The following PLCB1 variants were observed in gnomAD, a reference collection of about 807,000 sequenced individuals.
PLCB1 encodes the protein phospholipase C beta 1.
Under a neutral mutation model 161.8 loss-of-function variants are expected in PLCB1, and 46 were observed. The ratio of observed to expected loss-of-function variants is 0.28; its 90% CI spans 0.22 to 0.36. The LOEUF is 0.36. Ranked by LOEUF, PLCB1 falls within the 10% of genes least tolerant of loss-of-function variation. The probability of loss-of-function intolerance (pLI) is 1.00; values close to 1 mark genes in which losing one functional copy is unlikely to be tolerated. For synonymous variants in PLCB1, 517 were observed against 503.7 expected (o/e 1.03, Z -0.35); for missense variants, 1,016 against 1,472.5 (o/e 0.69, Z 5.07).
chr20:8,786,486 G>A (rs1464106380), intron 27 of PLCB1, among the ~76,000 whole-genome samples: 1 of 152,136 alleles, frequency 6.6e-6, no homozygotes, highest in Non-Finnish European at 1.5e-5. Context: ...TTAAACGAAT[G>A]TGGATTCCGT....
At chr20:8,134,169 A>G (rs969153129) in intron 1 of PLCB1, among the ~76,000 whole-genome samples, 5 of 152,258 alleles carry the variant, frequency 3.3e-5, no homozygotes, top group Non-Finnish European at 1.5e-5. Context: ...TAAATGGAAT[A>G]GAATCTAAAC....
chr20:8,334,781 T>C (rs1985509814), intron 2 of PLCB1, among the ~76,000 whole-genome samples: 1 of 152,184 alleles, frequency 6.6e-6, no homozygotes, highest in Non-Finnish European at 1.5e-5. Context: ...TTCTATGTGG[T>C]CTTTTGTTCT....
chr20:8,638,965 T>TTTTTC lies in PLCB1; in HGVS notation c.385-7122_385-7118dup, dbSNP rs1555778861. On this transcript the variant is annotated intron_variant, in intron 4 of 31. Transcript: ENST00000338037. ...GATTTTTAATTTGTGTTTTGTTCAG[T>TTTTTC]TTTTCTTTTCTTTTCTTTTTTTCTC... 6.5e-5 allele frequency among the ~76,000 whole-genome samples: 9 copies of TTTTTC among 138,068 alleles called. No homozygotes were observed. In the South Asian group the frequency reaches 2.1e-3, roughly 32 times the overall value. 90.6% of individuals were successfully genotyped at this position (138,068 alleles called of 152,430 possible). A position where few individuals can be genotyped will look rare whatever the true frequency, so the allele number is the denominator to read the frequency against.
At chr20:8,443,742 T>C (rs1980673786) in intron 3 of PLCB1, among the ~76,000 whole-genome samples, 1 of 152,208 alleles carries the variant, frequency 6.6e-6, no homozygotes, top group African/African-American at 2.4e-5. Flanking sequence ...ATCACATTTC[T>C]GGCAATGGCT....
chr20:8,443,546 A>C (rs894450718), intron 3 of PLCB1, among the ~76,000 whole-genome samples: 3 of 152,172 alleles, frequency 2.0e-5, no homozygotes, highest in East Asian at 1.9e-4. Flanking sequence ...TCCATCTGCT[A>C]TCTTTTGGAT....
At chr20:8,589,619 T>C in intron 3 of PLCB1, among the ~76,000 whole-genome samples, 1 of 141,740 alleles carries the variant, frequency 7.1e-6, no homozygotes, top group African/African-American at 2.7e-5. Flanking sequence ...TCTTTTTTTT[T>C]TTTTTTTTTT....
chr20:8,586,254 G>A (rs187529279), intron 3 of PLCB1, among the ~76,000 whole-genome samples: 152 of 152,216 alleles, frequency 1.0e-3, no homozygotes, highest in African/African-American at 3.4e-3. Flanking sequence ...AGAGTATATG[G>A]TTGACTTATT....
At chr20:8,788,804 C>CAGTCA in intron 29 of PLCB1, 82 bp downstream of exon 29, 1 of 834,814 alleles carries the variant, frequency 1.2e-6, no homozygotes, top group Non-Finnish European at 1.9e-6. Context: ...GGTTCATAAC[C>CAGTCA]AGTCAAAGAC....
intron 3 of PLCB1, among the ~76,000 whole-genome samples, chr20:8,409,717 C>T (rs949872921): frequency 6.6e-6 from 1 of 152,070 alleles, no homozygotes; most frequent in African/African-American, 2.4e-5. Context: ...CCCACCTCAG[C>T]CTCCCAAAGT....
chr20:8,473,665 C>T (rs937776249), intron 3 of PLCB1, among the ~76,000 whole-genome samples: 72 of 152,224 alleles, frequency 4.7e-4, no homozygotes, highest in African/African-American at 1.6e-3. Flanking sequence ...ATCCAAGCAC[C>T]CTGGCCTCTT....
chr20:8,202,715 A>G (rs1978327394), intron 2 of PLCB1, among the ~76,000 whole-genome samples: 1 of 152,190 alleles, frequency 6.6e-6, no homozygotes, highest in Non-Finnish European at 1.5e-5. Context: ...ACAGGGATAA[A>G]GACCTCATAA....
chr20:8,503,502 C>T (rs1378568586), intron 3 of PLCB1, among the ~76,000 whole-genome samples: 1 of 152,074 alleles, frequency 6.6e-6, no homozygotes, highest in Non-Finnish European at 1.5e-5. Flanking sequence ...GTATGTAAAC[C>T]ATACTTCACA....
At chr20:8,472,926 T>C (rs903958806) in intron 3 of PLCB1, among the ~76,000 whole-genome samples, 1 of 152,170 alleles carries the variant, frequency 6.6e-6, no homozygotes, top group African/African-American at 2.4e-5. Flanking sequence ...ACTGTTTCCC[T>C]TCAAGCCATG....
chr20:8,733,212 A>G (rs1600284090), intron 18 of PLCB1, 26 bp from the exon 19 acceptor site: 6 of 1,611,714 alleles, frequency 3.7e-6, no homozygotes, highest in Non-Finnish European at 5.1e-6. Flanking sequence ...TAAACTCACA[A>G]TAAGGCTTGT....
At chr20:8,812,684 A>G (rs908637742) in intron 31 of PLCB1, among the ~76,000 whole-genome samples, 5 of 152,164 alleles carry the variant, frequency 3.3e-5, no homozygotes, top group Admixed American at 1.3e-4. Flanking sequence ...CTTGGAAGAC[A>G]CACTGATTTC....
chr20:8,726,661 A>C (rs1600279512), intron 16 of PLCB1, among the ~76,000 whole-genome samples: 1 of 151,806 alleles, frequency 6.6e-6, no homozygotes, highest in Admixed American at 6.6e-5. Flanking sequence ...TAATTCAATT[A>C]CCCCCACTTG....
chr20:8,276,614 G>T (rs1398299002), intron 2 of PLCB1, among the ~76,000 whole-genome samples: 5 of 152,106 alleles, frequency 3.3e-5, no homozygotes, highest in Non-Finnish European at 7.4e-5. Flanking sequence ...AATATTTAAA[G>T]TACAAATTCT....
intron 3 of PLCB1, among the ~76,000 whole-genome samples, chr20:8,627,733 A>C (rs1338796002): frequency 6.6e-6 from 1 of 152,208 alleles, no homozygotes; most frequent in Non-Finnish European, 1.5e-5. Context: ...CCTATGTCCA[A>C]ATCCCAGTAC....
chr20:8,729,273 A>G (rs1280989815), intron 18 of PLCB1, 99 bp downstream of exon 18: 2 of 1,138,714 alleles, frequency 1.8e-6, no homozygotes, highest in African/African-American at 1.6e-5. Context: ...GCCAGACTTC[A>G]CTGAAAAAAT....
Sources: allele counts gnomAD v4.1 joint callset (sites outside exome capture counted in the v4.1 genomes callset), GRCh38; gene constraint gnomAD v4.1.1; transcripts MANE v1.5; gene names NCBI Gene and HGNC (gene_info 2026-07-23, HGNC 2026-07-21).